Variants in PTPRS observed in about 807,000 individuals in gnomAD.
PTPRS encodes protein tyrosine phosphatase receptor type S, also known as receptor-type tyrosine-protein phosphatase S.
Under a neutral mutation model 215.3 loss-of-function variants are expected in PTPRS, and 63 were observed. That is an observed-to-expected ratio of 0.29 (90% CI 0.24 to 0.36). PTPRS has a LOEUF of 0.36. Among genes scored for constraint, PTPRS ranks in the 10% least tolerant of loss-of-function variants. PTPRS has a pLI of 1.00. For missense variants in PTPRS, 2,258 were observed against 2,825.8 expected, an observed-to-expected ratio of 0.80 and a Z score of 4.56; for synonymous variants, 1,404 against 1,191.4, an observed-to-expected ratio of 1.18 and a Z score of -3.68.
intron 13 of PTPRS, among the ~76,000 whole-genome samples, chr19:5,236,988 AAAAG>A (rs757509763): frequency 3.3e-5 from 5 of 152,228 alleles, no homozygotes; most frequent in Non-Finnish European, 5.9e-5. Context: ...AAAACTTAAT[AAAAG>A]AAAGAAAGAC....
intron 13 of PTPRS, among the ~76,000 whole-genome samples, chr19:5,235,624 G>A (rs2043380145): frequency 6.6e-6 from 1 of 152,216 alleles, no homozygotes; most frequent in Non-Finnish European, 1.5e-5. Flanking sequence ...TGCCACCCAT[G>A]TTTTGAGTAC....
rs1275374810 is a variant in PTPRS at position 5,340,747 on chromosome 19, C to G, written c.-178G>C. 3 of 150,126 alleles carry G rather than the reference C, an allele frequency of 2.0e-5. No homozygotes were observed. The highest frequency in any genetic ancestry group is 3.0e-5 in the Non-Finnish European group (2 of 67,434). The allele number at this position is 150,126 out of a possible 1,614,324, so 9.3% of individuals were successfully genotyped here. ...GCATGGGATCCGAGCGGAGCCCGAG[C>G]GCCAGCGGCTCGCGGCGTGCGCGCG... On this transcript the variant is annotated 5_prime_UTR_variant, in exon 1 of 38. Coordinates refer to ENST00000262963, the MANE Select transcript of PTPRS (RefSeq NM_002850.4).
rs114031525 is a variant in PTPRS at position 5,214,436 on chromosome 19, G to A, written c.4539C>T (p.Tyr1513=). Residue 1513 remains tyrosine, a synonymous_variant, in exon 30 of 38, where the codon TAC becomes TAT. Coordinates refer to ENST00000262963, the MANE Select transcript of PTPRS (RefSeq NM_002850.4). The part of the protein sequence containing the change: ...QYWPNRGTET[Y]GFIQVTLLDT... ...CTAGCAACGTGACCTGGATGAAGCC[G>A]TAGGTCTCCGTGCCTCTGTTGGGCC... The A allele has an allele frequency of 2.6e-4, 420 of 1,614,184 alleles. No individual in the cohort carries two copies. The African/African-American group carries it at 2.9e-3, about 11-fold the overall frequency.
chr19:5,252,959 A>G (rs888619555), intron 9 of PTPRS, among the ~76,000 whole-genome samples: 3 of 151,990 alleles, frequency 2.0e-5, no homozygotes, highest in Admixed American at 1.3e-4. Context: ...CTGGCATCAG[A>G]GGGTGGCAAA....
chr19:5,240,597 T>C (rs1049908587), intron 11 of PTPRS, among the ~76,000 whole-genome samples: 29 of 151,982 alleles, frequency 1.9e-4, no homozygotes, highest in African/African-American at 6.7e-4. Flanking sequence ...CCCAGCACTT[T>C]AGGAGGCCGA....
At chr19:5,247,668 G>A (rs1431906742) in intron 9 of PTPRS, among the ~76,000 whole-genome samples, 1 of 152,038 alleles carries the variant, frequency 6.6e-6, no homozygotes, top group East Asian at 1.9e-4. Flanking sequence ...TACGGGATTG[G>A]GAGGTGCAGC....
chr19:5,278,475 C>T (rs948956298), intron 2 of PTPRS, among the ~76,000 whole-genome samples: 1 of 151,434 alleles, frequency 6.6e-6, no homozygotes, highest in Non-Finnish European at 1.5e-5. Flanking sequence ...TTTTTGATTA[C>T]TTATTTATTT....
chr19:5,333,159 AAAATAAAAAAT>A (rs1476149858), intron 1 of PTPRS, among the ~76,000 whole-genome samples: 1 of 151,028 alleles, frequency 6.6e-6, no homozygotes, highest in Non-Finnish European at 1.5e-5. Flanking sequence ...TAAATAAAAT[AAAATAAAAAAT>A]AAATAAAAAA....
At chr19:5,299,618 T>C (rs2049242173) in intron 1 of PTPRS, among the ~76,000 whole-genome samples, 1 of 152,208 alleles carries the variant, frequency 6.6e-6, no homozygotes, top group African/African-American at 2.4e-5. Flanking sequence ...ACGCCTGTAA[T>C]CCTAGCACTT....
chr19:5,228,265 A>C (rs1047654323), intron 16 of PTPRS, among the ~76,000 whole-genome samples: 1 of 139,760 alleles, frequency 7.2e-6, no homozygotes, highest in Non-Finnish European at 1.5e-5. Flanking sequence ...GAATTGTTTG[A>C]ACCCAGGAGG....
At chr19:5,231,789 T>G (rs1375403724) in intron 13 of PTPRS, among the ~76,000 whole-genome samples, 174 bp from the exon 14 acceptor site, 2 of 43,732 alleles carry the variant, frequency 4.6e-5, no homozygotes, top group Non-Finnish European at 4.8e-5. Flanking sequence ...CAACCAAAGG[T>G]GGGATGGGCG....
intron 7 of PTPRS, among the ~76,000 whole-genome samples, chr19:5,258,479 G>A (rs4807016): frequency 0.32 from 48,539 of 151,738 alleles, 8,616 homozygotes; most frequent in East Asian, 0.73. Context: ...CTGGCCAGAA[G>A]GAAAGAGTGG....
intron 1 of PTPRS, among the ~76,000 whole-genome samples, chr19:5,335,927 G>A (rs796269628): frequency 2.6e-5 from 4 of 151,962 alleles, no homozygotes; most frequent in African/African-American, 9.7e-5. Context: ...GGGATTCCAC[G>A]GCTAGCCCAG....
chr19:5,246,856 T>G (rs1599671121), intron 9 of PTPRS, among the ~76,000 whole-genome samples: 1 of 152,010 alleles, frequency 6.6e-6, no homozygotes, highest in East Asian at 1.9e-4. Flanking sequence ...GATGCAGCTC[T>G]GAGTCACAAA....
chr19:5,219,562 C>G, intron 22 of PTPRS, 95 bp from the exon 23 acceptor site: 1 of 1,393,958 alleles, frequency 7.2e-7, no homozygotes, highest in Non-Finnish European at 9.5e-7. Flanking sequence ...TTCTCCCCCG[C>G]TCTAGATCCT....
chr19:5,289,231 G>C (rs1219495873), intron 1 of PTPRS, among the ~76,000 whole-genome samples: 4 of 152,102 alleles, frequency 2.6e-5, no homozygotes, highest in Admixed American at 2.0e-4. Flanking sequence ...GGTCCTCTGC[G>C]AGGATTTGGG....
rs1445045545 is a variant in PTPRS at position 5,294,264 on chromosome 19, C to T, written c.-94-8030G>A. ...CACGGCTCTAGGAGGCAGACCCCAC[C>T]ATCACCCCCATTCTGCAAAGAACGG... On this transcript the variant is annotated intron_variant, in intron 1 of 37. Coordinates refer to ENST00000262963, the MANE Select transcript of PTPRS (RefSeq NM_002850.4). This position sits in a 1 kb window ranked among gnomAD's most constrained non-coding sequence, Gnocchi z 5.1. 6.6e-6 allele frequency: 1 copy of T among 152,448 alleles called. No homozygotes were observed. The highest frequency in any genetic ancestry group is 1.5e-5 in the Non-Finnish European group (1 of 68,236). 9.4% of individuals were successfully genotyped at this position (152,448 alleles called of 1,614,324 possible).
intron 1 of PTPRS, among the ~76,000 whole-genome samples, chr19:5,310,156 G>A (rs983223318): frequency 3.9e-5 from 6 of 151,930 alleles, no homozygotes; most frequent in African/African-American, 1.5e-4. Context: ...CACGGGCTGT[G>A]CCCTCTGCCT....
At chr19:5,291,883 A>C (rs2048846812) in intron 1 of PTPRS, among the ~76,000 whole-genome samples, 2 of 148,516 alleles carry the variant, frequency 1.3e-5, no homozygotes, top group African/African-American at 2.5e-5. Context: ...ACAACCCCCC[A>C]TGCCAGGCTT....
Sources: gnomAD v4.1 joint callset for allele counts (sites outside exome capture counted in the v4.1 genomes callset) on GRCh38, gnomAD v4.1.1 for gene constraint, Gnocchi (gnomAD v3.1) non-coding constraint, MANE v1.5 for transcripts, NCBI Gene and HGNC (gene_info 2026-07-23, HGNC 2026-07-21) for gene names.